The following CNTN5 variants were observed in gnomAD, a reference collection of about 807,000 sequenced individuals.
CNTN5 encodes the protein contactin 5.
CNTN5 carries 77 observed loss-of-function variants against 129.1 expected under a neutral mutation model. The ratio of observed to expected loss-of-function variants is 0.60; its 90% CI spans 0.50 to 0.72. The LOEUF (loss-of-function observed/expected upper bound fraction) is 0.72, where lower values mean the gene tolerates loss of function less well. Ranked by LOEUF, CNTN5 falls within the 30% of genes least tolerant of loss-of-function variation. The pLI is 0.00. For synonymous variants in CNTN5, 509 were observed against 465.6 expected, an observed-to-expected ratio of 1.09 and a Z score of -1.20; for missense variants, 1,478 against 1,328.8, an observed-to-expected ratio of 1.11 and a Z score of -1.75.
chr11:99,860,446 A>G (rs1409118236), intron 6 of CNTN5, among the ~76,000 whole-genome samples: 2 of 152,238 alleles, frequency 1.3e-5, no homozygotes, highest in East Asian at 3.9e-4. Flanking sequence ...TAGGTCTTAC[A>G]TTTAAGTCTT....
At chr11:99,201,583 A>T (rs1406138582) in intron 1 of CNTN5, among the ~76,000 whole-genome samples, 2 of 152,132 alleles carry the variant, frequency 1.3e-5, no homozygotes, top group African/African-American at 2.4e-5. Flanking sequence ...GGTGATTGCT[A>T]ATCAGGTGAC....
At chr11:100,130,101 G>A (rs1478504670) in intron 13 of CNTN5, among the ~76,000 whole-genome samples, 1 of 152,056 alleles carries the variant, frequency 6.6e-6, no homozygotes, top group Non-Finnish European at 1.5e-5. Context: ...AAGAAGTAAT[G>A]CATATACACA....
chr11:99,491,900 A>C (rs966535381), intron 2 of CNTN5, among the ~76,000 whole-genome samples: 1 of 152,202 alleles, frequency 6.6e-6, no homozygotes, highest in East Asian at 1.9e-4. Context: ...CACAGGAAGG[A>C]AAGATAAATC....
intron 9 of CNTN5, among the ~76,000 whole-genome samples, chr11:100,039,722 T>A (rs935549388): frequency 6.6e-6 from 1 of 152,228 alleles, no homozygotes; most frequent in East Asian, 1.9e-4. Context: ...ATTCATTTTG[T>A]CTTCCATCAC....
chr11:100,020,220 A>G (rs560128579), intron 9 of CNTN5, among the ~76,000 whole-genome samples: 1 of 152,154 alleles, frequency 6.6e-6, no homozygotes, highest in Admixed American at 6.5e-5. Context: ...GGAACAATCA[A>G]GAAGCTTTTT....
chr11:100,171,986 A>G (rs529681917), intron 13 of CNTN5, among the ~76,000 whole-genome samples: 25 of 152,190 alleles, frequency 1.6e-4, no homozygotes, highest in African/African-American at 4.6e-4. Flanking sequence ...ACTGTCAAGG[A>G]AAAACCAGCT....
chr11:100,327,014 G>A (rs1951803687), intron 21 of CNTN5, among the ~76,000 whole-genome samples: 1 of 152,152 alleles, frequency 6.6e-6, no homozygotes, highest in African/African-American at 2.4e-5. Flanking sequence ...TTGAAGCCAT[G>A]GTGAGAAGTT....
At chr11:99,985,681 G>A (rs985652263) in intron 8 of CNTN5, among the ~76,000 whole-genome samples, 7 of 152,132 alleles carry the variant, frequency 4.6e-5, no homozygotes, top group African/African-American at 1.4e-4. Flanking sequence ...CTCTATCAAA[G>A]CCTTCAAGTG....
chr11:99,794,436 T>C (rs1276018317), intron 3 of CNTN5, among the ~76,000 whole-genome samples: 3 of 152,164 alleles, frequency 2.0e-5, no homozygotes, highest in Non-Finnish European at 2.9e-5. Context: ...TGATTAGTAT[T>C]GATATGTGTG....
chr11:99,953,129 A>G (rs917709110), intron 7 of CNTN5, among the ~76,000 whole-genome samples: 4 of 152,226 alleles, frequency 2.6e-5, no homozygotes, highest in Non-Finnish European at 2.9e-5. Context: ...CAGAGAGTCC[A>G]GTATGCAGTT....
chr11:99,374,359 C>T (rs978810160), intron 2 of CNTN5, among the ~76,000 whole-genome samples: 3 of 152,190 alleles, frequency 2.0e-5, no homozygotes, highest in African/African-American at 4.8e-5. Flanking sequence ...TTGGCTCAAA[C>T]ATTTATTTTC....
intron 3 of CNTN5, among the ~76,000 whole-genome samples, chr11:99,647,787 T>G (rs942699415): frequency 2.0e-5 from 3 of 151,608 alleles, no homozygotes; most frequent in Admixed American, 6.6e-5. Context: ...CAAGGCATTT[T>G]ATTTTTTTTT....
chr11:99,394,265 T>G (rs769192701), intron 2 of CNTN5, among the ~76,000 whole-genome samples: 43 of 151,814 alleles, frequency 2.8e-4, no homozygotes, highest in Non-Finnish European at 5.3e-4. Flanking sequence ...ATGTTATGTT[T>G]GTTTTCCACA....
intron 1 of CNTN5, among the ~76,000 whole-genome samples, chr11:99,071,005 G>A (rs1257803344): frequency 6.6e-6 from 1 of 152,062 alleles, no homozygotes; most frequent in Non-Finnish European, 1.5e-5. Context: ...TATTCTACAA[G>A]CTTACATGGC....
At chr11:100,142,407 A>G (rs1268306039) in intron 13 of CNTN5, among the ~76,000 whole-genome samples, 3 of 152,130 alleles carry the variant, frequency 2.0e-5, no homozygotes, top group Non-Finnish European at 4.4e-5. Flanking sequence ...AACTCTGACT[A>G]ATACATATGT....
intron 13 of CNTN5, among the ~76,000 whole-genome samples, chr11:100,179,883 C>G (rs1712138725): frequency 6.6e-6 from 1 of 151,984 alleles, no homozygotes; most frequent in Admixed American, 6.6e-5. Flanking sequence ...CGTAATAGTC[C>G]TATGTCTTTT....
chr11:99,924,565 A>C (rs1950017680), intron 7 of CNTN5, among the ~76,000 whole-genome samples: 1 of 151,856 alleles, frequency 6.6e-6, no homozygotes. Context: ...TGCAGCTTTA[A>C]TTCAGGGGCC....
chr11:99,412,616 G>T (rs1163109379), intron 2 of CNTN5, among the ~76,000 whole-genome samples: 1 of 152,050 alleles, frequency 6.6e-6, no homozygotes, highest in Non-Finnish European at 1.5e-5. Context: ...ATAATTCTAG[G>T]AAATAGATGC....
At chr11:99,963,731 C>A (rs1951015613) in intron 8 of CNTN5, among the ~76,000 whole-genome samples, 1 of 152,122 alleles carries the variant, frequency 6.6e-6, no homozygotes, top group African/African-American at 2.4e-5. Flanking sequence ...GGCATTGAAT[C>A]TATAAATTAC....
Sources: gnomAD v4.1 joint callset for allele counts (sites outside exome capture counted in the v4.1 genomes callset) on GRCh38, gnomAD v4.1.1 for gene constraint, MANE v1.5 for transcripts, NCBI Gene and HGNC (gene_info 2026-07-23, HGNC 2026-07-21) for gene names.